The following ARFGEF2 variants were observed in gnomAD, a reference collection of about 807,000 sequenced individuals.
ARFGEF2 encodes brefeldin A-inhibited guanine nucleotide-exchange protein 2.
A neutral mutation model predicts 219.9 loss-of-function variants in ARFGEF2; 74 were observed. The ratio of observed to expected loss-of-function variants is 0.34; its 90% CI spans 0.28 to 0.41. The LOEUF (loss-of-function observed/expected upper bound fraction) is 0.41. Ranked by LOEUF, ARFGEF2 falls within the 10% of genes least tolerant of loss-of-function variation. The pLI is 1.00. For missense variants in ARFGEF2, 1,743 were observed against 2,218.3 expected, an observed-to-expected ratio of 0.79 and a Z score of 4.30; for synonymous variants, 733 against 799.2, an observed-to-expected ratio of 0.92 and a Z score of 1.40.
intron 37 of ARFGEF2, 46 bp from the exon 38 acceptor site, chr20:49,032,003 T>C: frequency 8.3e-7 from 1 of 1,204,774 alleles, no homozygotes; most frequent in Non-Finnish European, 1.2e-6. Context: ...GAATGTGAGA[T>C]GTTAATCAAT....
chr20:48,998,172 T>G, intron 23 of ARFGEF2, 21 bp from the exon 24 acceptor site: 3 of 1,613,322 alleles, frequency 1.9e-6, no homozygotes, highest in Non-Finnish European at 2.5e-6. Flanking sequence ...ATGTTTATTT[T>G]GTCTGGAATT....
Position 48,976,194 on chromosome 20 carries a change from C to T in ARFGEF2, c.1953C>T (p.Ile651=), listed in dbSNP as rs377322572. The change falls in exon 14 of 39, where the codon ATC becomes ATT. Residue 651 remains isoleucine, a synonymous_variant. Transcript: ENST00000371917. ...AAAAAGAAATCATTGAACACGGCATCGAGCTGTGAGTGGGGCTGCCGTTAA... is the reference window on the plus strand; with the variant it reads ...AAAAAGAAATCATTGAACACGGCATTGAGCTGTGAGTGGGGCTGCCGTTAA... ...KQQKEIIEHG[I]ELFNKKPKRG... 156 of 1,613,904 alleles carry T rather than the reference C, an allele frequency of 9.7e-5. 1 individual carries two copies. The highest frequency in any genetic ancestry group is 8.1e-4 in the South Asian group (74 of 91,048).
At chr20:48,959,425 CTTCTTCCTTCCCTCCGTCCCTCCT>C (rs2091126433) in intron 6 of ARFGEF2, among the ~76,000 whole-genome samples, 3 of 119,336 alleles carry the variant, frequency 2.5e-5, no homozygotes, top group Non-Finnish European at 3.7e-5. Flanking sequence ...CCCTCCCTCC[CTTCTTCCTTCCCTCCGTCCCTCCT>C]TCCCTCCCTC....
chr20:48,921,803 G>A lies in ARFGEF2; in HGVS notation c.-87G>A, dbSNP rs2090841418. Reference sequence around the variant, plus strand: ...GGCGCGGACGGACGCGGCCGGTGCCGGCCGGGACGCCGGGCCCGCAGCCTA... The same window carrying A: ...GGCGCGGACGGACGCGGCCGGTGCCAGCCGGGACGCCGGGCCCGCAGCCTA... On this transcript the variant is annotated 5_prime_UTR_variant, in exon 1 of 39. Coordinates refer to ENST00000371917, the MANE Select transcript of ARFGEF2 (RefSeq NM_006420.3). 1 of 1,227,114 alleles carries A rather than the reference G, an allele frequency of 8.1e-7. No homozygotes were observed. Among genetic ancestry groups the A allele is most frequent in the Non-Finnish European group, 1.0e-6 (1 of 977,714 alleles). The allele number at this position is 1,227,114 out of a possible 1,614,324, so 76.0% of individuals were successfully genotyped here.
At chr20:48,995,642 G>A (rs762131155) in intron 22 of ARFGEF2, 141 bp from the exon 23 acceptor site, 3 of 760,560 alleles carry the variant, frequency 3.9e-6, no homozygotes, top group Non-Finnish European at 7.1e-6. Context: ...TTTATCATCA[G>A]TGGGTTTTTG....
chr20:48,973,375 G>A, intron 12 of ARFGEF2, 91 bp downstream of exon 12: 1 of 1,381,198 alleles, frequency 7.2e-7, no homozygotes, highest in East Asian at 2.5e-5. Flanking sequence ...CACTGTCCTT[G>A]ATACAGCAGT....
rs1030076011 is a variant in ARFGEF2 at position 48,968,426 on chromosome 20, CT to C, written c.1060-710del. On this transcript the variant is annotated intron_variant, in intron 8 of 38. Coordinates refer to ENST00000371917, the MANE Select transcript of ARFGEF2 (RefSeq NM_006420.3). ...AGTTGCAATAGTATTCTTTTTTTTACTTTTTTTTTTTGGTCACCCAGGCTGG... is the reference window on the plus strand; with the variant it reads ...AGTTGCAATAGTATTCTTTTTTTTACTTTTTTTTTTGGTCACCCAGGCTGG... Among the ~76,000 whole-genome samples, 639 of 142,742 alleles carry C rather than the reference CT, an allele frequency of 4.5e-3. 4 individuals are homozygous for C. The highest frequency in any genetic ancestry group is 0.014 in the African/African-American group (534 of 39,200). The allele number at this position is 142,742 out of a possible 152,430, so 93.6% of individuals were successfully genotyped here. A position where few individuals can be genotyped will look rare whatever the true frequency, so the allele number is the denominator to read the frequency against.
At chr20:48,945,627 A>C (rs1303477713) in intron 3 of ARFGEF2, among the ~76,000 whole-genome samples, 1 of 152,158 alleles carries the variant, frequency 6.6e-6, no homozygotes, top group Admixed American at 6.6e-5. Flanking sequence ...ACTTTGAGGC[A>C]GGAGGATCAC....
At chr20:48,950,333 T>A (rs2091057869) in intron 3 of ARFGEF2, among the ~76,000 whole-genome samples, 1 of 151,914 alleles carries the variant, frequency 6.6e-6, no homozygotes, top group African/African-American at 2.4e-5. Flanking sequence ...TACTACAGAG[T>A]GTCTTAGTCC....
At chr20:48,961,226 G>A (rs1442948589) in intron 6 of ARFGEF2, among the ~76,000 whole-genome samples, 9 of 150,624 alleles carry the variant, frequency 6.0e-5, no homozygotes, top group Non-Finnish European at 3.0e-5. Flanking sequence ...ACAAACACAT[G>A]GTACAGATGC....
At chr20:48,976,430 C>A (rs934118226) in intron 14 of ARFGEF2, among the ~76,000 whole-genome samples, 13 of 152,004 alleles carry the variant, frequency 8.6e-5, no homozygotes, top group African/African-American at 3.1e-4. Context: ...GCCTTTTTTC[C>A]CCCCTTTTCT....
At chr20:48,935,114 T>C (rs1254490374) in intron 1 of ARFGEF2, among the ~76,000 whole-genome samples, 1 of 152,264 alleles carries the variant, frequency 6.6e-6, no homozygotes, top group Non-Finnish European at 1.5e-5. Flanking sequence ...TCTTTTTTTA[T>C]TGATCATTCT....
intron 25 of ARFGEF2, among the ~76,000 whole-genome samples, chr20:49,003,480 C>T (rs1398164339): frequency 6.6e-6 from 1 of 151,724 alleles, no homozygotes; most frequent in Non-Finnish European, 1.5e-5. Flanking sequence ...TGGCGGGCAC[C>T]TGTAATCCTA....
chr20:48,971,943 T>G (rs965237737), intron 10 of ARFGEF2, among the ~76,000 whole-genome samples: 1 of 152,198 alleles, frequency 6.6e-6, no homozygotes, highest in Non-Finnish European at 1.5e-5. Context: ...GTGCCTTTCA[T>G]TTTAACCAAT....
rs116141046 is a variant in ARFGEF2 at position 48,945,182 on chromosome 20, C to T, written c.276+3195C>T. On this transcript the variant is annotated intron_variant, in intron 3 of 38. Coordinates refer to ENST00000371917, the MANE Select transcript of ARFGEF2 (RefSeq NM_006420.3). ...TCTCAAAGGCCCAGCCTCCTAATAC[C>T]ATCACATTGCAGGCTTAAGGCTTCA... 6.1e-3 allele frequency among the ~76,000 whole-genome samples: 932 copies of T among 152,190 alleles called. 13 individuals carry two copies. Among genetic ancestry groups the T allele is most frequent in the African/African-American group, 0.021 (876 of 41,516 alleles).
At chr20:48,964,185 G>T (rs2091173707) in intron 7 of ARFGEF2, among the ~76,000 whole-genome samples, 1 of 152,162 alleles carries the variant, frequency 6.6e-6, no homozygotes, top group South Asian at 2.1e-4. Flanking sequence ...AAGGCGGGCG[G>T]TTCACGAGGT....
At chr20:48,995,684 T>C (rs912104332) in intron 22 of ARFGEF2, 99 bp from the exon 23 acceptor site, 3 of 1,041,636 alleles carry the variant, frequency 2.9e-6, no homozygotes, top group Admixed American at 3.5e-5. Context: ...GTCATTCCCA[T>C]TTATGTCCCC....
chr20:48,953,018 T>G (rs1351710290), intron 5 of ARFGEF2, 134 bp downstream of exon 5: 1 of 953,924 alleles, frequency 1.0e-6, no homozygotes, highest in Non-Finnish European at 1.6e-6. Flanking sequence ...CTCTGTACTG[T>G]GCTTTTGTTC....
rs139836957 is a variant in ARFGEF2, at chr20:48,923,699, G to A, written c.121+1689G>A. ...TGGACTCTATCTTCTCGATATTGTT[G>A]TGGAGGTTTCAGAATAGTTATTTGG... On this transcript the variant is annotated intron_variant, in intron 1 of 38. Coordinates refer to ENST00000371917, the MANE Select transcript of ARFGEF2 (RefSeq NM_006420.3). 2.5e-3 allele frequency among the ~76,000 whole-genome samples: 388 copies of A among 152,318 alleles called. 2 individuals are homozygous for A. Among genetic ancestry groups the A allele is most frequent in the Middle Eastern group, 0.024 (7 of 294 alleles).
Sources: gnomAD v4.1 joint callset for allele counts (sites outside exome capture counted in the v4.1 genomes callset) on GRCh38, gnomAD v4.1.1 for gene constraint, MANE v1.5 for transcripts, NCBI Gene and HGNC (gene_info 2026-07-23, HGNC 2026-07-21) for gene names.